Variants in HECW1 observed in about 807,000 individuals in gnomAD.
The protein encoded by HECW1 is E3 ubiquitin-protein ligase HECW1.
Under a neutral mutation model 182.3 loss-of-function variants are expected in HECW1, and 61 were observed. The ratio of observed to expected loss-of-function variants is 0.33; its 90% CI spans 0.27 to 0.41. The LOEUF (loss-of-function observed/expected upper bound fraction) is 0.41. Ranked by LOEUF, HECW1 falls within the 10% of genes least tolerant of loss-of-function variation. The pLI is 1.00. For missense variants in HECW1, 1,739 were observed against 2,108.9 expected, an observed-to-expected ratio of 0.82 and a Z score of 3.44; for synonymous variants, 859 against 832.6, an observed-to-expected ratio of 1.03 and a Z score of -0.55.
In HECW1 at chr7:43,148,291, G is replaced by T. The variant is rs190727138; in HGVS notation, c.-32+33900G>T. Among the ~76,000 whole-genome samples the T allele has an allele frequency of 2.8e-3, 426 of 152,246 alleles. 1 individual carries two copies. Among genetic ancestry groups the T allele is most frequent in the African/African-American group, 9.8e-3 (408 of 41,544 alleles). On this transcript the variant is annotated intron_variant, in intron 2 of 29. Transcript: ENST00000395891. ...AAAATGCCTGGGCCTCCACATCCCT[G>T]TCTTTGGATGTGAGTCACCACTGAA...
intron 7 of HECW1, among the ~76,000 whole-genome samples, chr7:43,403,421 G>A (rs972260924): frequency 2.0e-5 from 3 of 152,144 alleles, no homozygotes; most frequent in Non-Finnish European, 2.9e-5. Flanking sequence ...ATGCAGATTC[G>A]TCTGGTGCTG....
At chr7:43,351,678 C>CTTTTTTTTTTTTTTTTT (rs200929407) in intron 5 of HECW1, among the ~76,000 whole-genome samples, 4 of 120,572 alleles carry the variant, frequency 3.3e-5, no homozygotes, top group African/African-American at 9.3e-5. Context: ...TTTCTTTCTT[C>CTTTTTTTTTTTTTTTTT]TTTTTTTTTT....
chr7:43,159,896 G>A (rs1027920589), intron 2 of HECW1, among the ~76,000 whole-genome samples: 1 of 152,024 alleles, frequency 6.6e-6, no homozygotes, highest in African/African-American at 2.4e-5. Context: ...AGCCAGGATG[G>A]TCTCGATGTC....
intron 3 of HECW1, among the ~76,000 whole-genome samples, chr7:43,257,385 G>A (rs2152730558): frequency 6.6e-6 from 1 of 152,272 alleles, no homozygotes; most frequent in East Asian, 1.9e-4. Flanking sequence ...CTCATGATTA[G>A]TTGGGTACAC....
intron 3 of HECW1, among the ~76,000 whole-genome samples, chr7:43,259,418 TA>T (rs1344479832): frequency 6.6e-6 from 1 of 152,064 alleles, no homozygotes; most frequent in Non-Finnish European, 1.5e-5. Context: ...ATATAATTTT[TA>T]GAGTTATAAA....
intron 5 of HECW1, among the ~76,000 whole-genome samples, chr7:43,325,702 C>T (rs1292828162): frequency 6.6e-6 from 1 of 152,132 alleles, no homozygotes; most frequent in Non-Finnish European, 1.5e-5. Flanking sequence ...TTTCAACCTC[C>T]GTGCCTTGCC....
At chr7:43,164,833 C>T (rs1790937245) in intron 2 of HECW1, among the ~76,000 whole-genome samples, 1 of 152,206 alleles carries the variant, frequency 6.6e-6, no homozygotes, top group South Asian at 2.1e-4. Flanking sequence ...CATGCAGCCG[C>T]GCTTCCATGG....
At chr7:43,162,763 G>A (rs1790681810) in intron 2 of HECW1, among the ~76,000 whole-genome samples, 1 of 152,146 alleles carries the variant, frequency 6.6e-6, no homozygotes, top group South Asian at 2.1e-4. Context: ...TATAAACAAA[G>A]CTCCCATACT....
intron 3 of HECW1, among the ~76,000 whole-genome samples, chr7:43,256,609 CAAAAAA>C (rs756396122): frequency 1.8e-5 from 1 of 55,360 alleles, no homozygotes; most frequent in Non-Finnish European, 4.1e-5. Context: ...AACTTCATCT[CAAAAAA>C]AAAAAAAAAA....
chr7:43,185,380 A>G (rs1227734294), intron 2 of HECW1, among the ~76,000 whole-genome samples: 1 of 151,524 alleles, frequency 6.6e-6, no homozygotes, highest in Non-Finnish European at 1.5e-5. Flanking sequence ...CAGCAAATTA[A>G]TCAAACTCGA....
intron 3 of HECW1, among the ~76,000 whole-genome samples, chr7:43,303,803 A>G (rs1454444610): frequency 6.6e-6 from 1 of 151,386 alleles, no homozygotes; most frequent in African/African-American, 2.4e-5. Flanking sequence ...GCCACCTCCC[A>G]CTCTCCTCCC....
chr7:43,208,805 C>T (rs1210498702), intron 2 of HECW1, among the ~76,000 whole-genome samples: 1 of 152,156 alleles, frequency 6.6e-6, no homozygotes, highest in African/African-American at 2.4e-5. Flanking sequence ...ACAAGCCAGC[C>T]CTCCAAGGTG....
chr7:43,272,361 A>C (rs1401532576), intron 3 of HECW1, among the ~76,000 whole-genome samples: 1 of 152,200 alleles, frequency 6.6e-6, no homozygotes, highest in East Asian at 1.9e-4. Context: ...GAGCTTCTGC[A>C]TGGCAAAAGA....
chr7:43,168,869 C>A (rs961759878), intron 2 of HECW1, among the ~76,000 whole-genome samples: 1 of 152,090 alleles, frequency 6.6e-6, no homozygotes, highest in Non-Finnish European at 1.5e-5. Flanking sequence ...CTACTCCAAC[C>A]AGATTGGTGA....
intron 29 of HECW1, among the ~76,000 whole-genome samples, chr7:43,557,258 C>T (rs1004957385): frequency 1.1e-4 from 17 of 152,152 alleles, no homozygotes; most frequent in Non-Finnish European, 1.9e-4. Flanking sequence ...AGCCACAGTG[C>T]ATGTGGCCTG....
intron 5 of HECW1, among the ~76,000 whole-genome samples, chr7:43,336,120 TTCTTTCTCTCTCTCTCTCTCTCTTTCTC>T (rs1812177637): frequency 1.3e-5 from 1 of 75,376 alleles, no homozygotes; most frequent in African/African-American, 5.8e-5. Context: ...CTTTCTTTCT[TTCTTTCTCTCTCTCTCTCTCTCTTTCTC>T]TCTCTCTCTC....
intron 8 of HECW1, among the ~76,000 whole-genome samples, chr7:43,435,939 C>T (rs896338973): frequency 1.3e-5 from 2 of 152,186 alleles, no homozygotes; most frequent in Non-Finnish European, 1.5e-5. Context: ...CCGAGGCAGG[C>T]GGATCACGAG....
intron 2 of HECW1, among the ~76,000 whole-genome samples, chr7:43,196,299 T>C (rs1253489738): frequency 1.3e-5 from 2 of 152,190 alleles, no homozygotes; most frequent in Non-Finnish European, 2.9e-5. Context: ...TTCTAAAGAA[T>C]TTAGTATTTT....
At position 43,346,692 on chromosome 7, in the gene HECW1, T is replaced by C. The variant is rs574246852; in HGVS notation, c.461-14194T>C. Among the ~76,000 whole-genome samples, 246 of 152,304 alleles carry C rather than the reference T, an allele frequency of 1.6e-3. 4 individuals are homozygous for C. Among genetic ancestry groups the C allele is most frequent in the Admixed American group, 0.016 (242 of 15,286 alleles). ...TATAAGGTGAGATGTGAGGATCCAG[T>C]TTCATTCTCCTACATGAGGCTAGCC... On this transcript the variant is annotated intron_variant, in intron 5 of 29. Transcript: ENST00000395891.
Sources: allele counts gnomAD v4.1 joint callset (sites outside exome capture counted in the v4.1 genomes callset), GRCh38; gene constraint gnomAD v4.1.1; transcripts MANE v1.5; gene names NCBI Gene and HGNC (gene_info 2026-07-23, HGNC 2026-07-21).